The following CCDC178 variants were observed in gnomAD, a reference collection of about 807,000 sequenced individuals.
CCDC178 encodes coiled-coil domain-containing protein 178.
Under a neutral mutation model 117.4 loss-of-function variants are expected in CCDC178, and 126 were observed. The ratio of observed to expected loss-of-function variants is 1.07; its 90% CI spans 0.93 to 1.24. The LOEUF is 1.24. CCDC178 is among the 50% of genes most tolerant of loss of function. The pLI, the probability that CCDC178 is intolerant of heterozygous loss-of-function variation, is 0.00. For missense variants in CCDC178, 1,030 were observed against 986.9 expected (o/e 1.04, Z -0.59); for synonymous variants, 283 against 313.4 (o/e 0.90, Z 1.02).
chr18:33,223,518 C>T (rs2059264654), intron 17 of CCDC178, among the ~76,000 whole-genome samples: 1 of 151,964 alleles, frequency 6.6e-6, no homozygotes, highest in Non-Finnish European at 1.5e-5. Flanking sequence ...AAAACTAAAA[C>T]TCCAAATACA....
chr18:33,110,404 A>T (rs1224132195), intron 20 of CCDC178, among the ~76,000 whole-genome samples: 1 of 151,616 alleles, frequency 6.6e-6, no homozygotes, highest in Non-Finnish European at 1.5e-5. Flanking sequence ...TTAAAAGAGT[A>T]CAGTTTATAA....
chr18:33,280,501 G>A (rs1054316777), intron 12 of CCDC178, among the ~76,000 whole-genome samples: 3 of 151,654 alleles, frequency 2.0e-5, no homozygotes, highest in African/African-American at 4.9e-5. Context: ...TTACACTGTT[G>A]GTGGGACTGT....
In CCDC178 at chr18:33,421,500, C is replaced by G. The variant is rs143696195; in HGVS notation, c.-22-9390G>C. On this transcript the variant is annotated intron_variant, in intron 2 of 22. Coordinates refer to ENST00000383096, the MANE Select transcript of CCDC178 (RefSeq NM_001105528.4). ...GGTTTTGTTGGTAGCTCAAAATGAA[C>G]CATGGTGAATAGATTTATAACACAG... Among the ~76,000 whole-genome samples the G allele has an allele frequency of 3.3e-5, 5 of 152,186 alleles. No homozygotes were observed. The South Asian group carries it at 1.0e-3, about 32-fold the overall frequency.
intron 10 of CCDC178, among the ~76,000 whole-genome samples, chr18:33,330,731 AG>A (rs2062656688): frequency 6.6e-6 from 1 of 152,124 alleles, no homozygotes; most frequent in Admixed American, 6.6e-5. Context: ...ACCCAGGGAA[AG>A]GTTGCTGTCC....
intron 21 of CCDC178, among the ~76,000 whole-genome samples, chr18:32,981,079 A>T (rs1296901796): frequency 2.0e-5 from 3 of 152,182 alleles, no homozygotes; most frequent in Non-Finnish European, 4.4e-5. Context: ...GTGGTGGCTC[A>T]TGTCTGTAAT....
rs571449866 is a variant in CCDC178 at position 33,249,165 on chromosome 18, T to C, written c.1410-3737A>G. Among the ~76,000 whole-genome samples, 8 of 152,258 alleles carry C rather than the reference T, an allele frequency of 5.3e-5. 1 individual carries two copies. The South Asian group carries it at 1.7e-3, about 32-fold the overall frequency. Reference sequence around the variant, plus strand: ...TGAGTTCATTGTAGATTCTGGATATTAGCCCTTTGTCAGATGAGTAGATTG... The same window carrying C: ...TGAGTTCATTGTAGATTCTGGATATCAGCCCTTTGTCAGATGAGTAGATTG... On this transcript the variant is annotated intron_variant, in intron 14 of 22. Coordinates refer to ENST00000383096, the MANE Select transcript of CCDC178 (RefSeq NM_001105528.4).
rs143376712 is a variant in CCDC178 at position 33,018,933 on chromosome 18, T to C, written c.2389-44252A>G. ...TGTTACAAAAATTCCCTGTTTGCAATATAAATAACCAGAGCTGGTATAATA... is the reference window on the plus strand; with the variant it reads ...TGTTACAAAAATTCCCTGTTTGCAACATAAATAACCAGAGCTGGTATAATA... On this transcript the variant is annotated intron_variant, in intron 21 of 22. Coordinates refer to ENST00000383096, the MANE Select transcript of CCDC178 (RefSeq NM_001105528.4). Among the ~76,000 whole-genome samples, 1,218 of 152,262 alleles carry C rather than the reference T, an allele frequency of 8.0e-3. 10 individuals carry two copies. Among genetic ancestry groups the C allele is most frequent in the Non-Finnish European group, 9.7e-3 (657 of 67,974 alleles).
chr18:33,288,122 T>C (rs975725846), intron 12 of CCDC178, among the ~76,000 whole-genome samples: 6 of 152,140 alleles, frequency 3.9e-5, no homozygotes, highest in African/African-American at 1.4e-4. Context: ...TGTGAATGGC[T>C]ACTCTCTACA....
At chr18:33,222,227 C>T (rs2059243703) in intron 18 of CCDC178, among the ~76,000 whole-genome samples, 1 of 151,066 alleles carries the variant, frequency 6.6e-6, no homozygotes, top group South Asian at 2.1e-4. Context: ...TCCCTCCCTT[C>T]CTTTCTTCCT....
chr18:33,037,220 A>T (rs543700156), intron 21 of CCDC178, among the ~76,000 whole-genome samples: 6 of 152,060 alleles, frequency 3.9e-5, no homozygotes, highest in African/African-American at 1.4e-4. Context: ...GCACCAAGGC[A>T]TTAATAGACT....
At chr18:33,097,218 G>A (rs1473418514) in intron 20 of CCDC178, among the ~76,000 whole-genome samples, 3 of 152,084 alleles carry the variant, frequency 2.0e-5, no homozygotes, top group Non-Finnish European at 4.4e-5. Flanking sequence ...CTCTTTGAGG[G>A]CATTCACCCT....
intron 6 of CCDC178, among the ~76,000 whole-genome samples, chr18:33,368,918 A>T (rs1358108631): frequency 6.6e-6 from 1 of 152,006 alleles, no homozygotes; most frequent in Non-Finnish European, 1.5e-5. Context: ...GGTAGTTGTT[A>T]TAATTATTTA....
chr18:33,058,943 A>G (rs1414942869), intron 21 of CCDC178, among the ~76,000 whole-genome samples: 1 of 152,156 alleles, frequency 6.6e-6, no homozygotes, highest in Admixed American at 6.5e-5. Context: ...AACTGTTGGA[A>G]TTTCATCATA....
intron 2 of CCDC178, among the ~76,000 whole-genome samples, chr18:33,428,257 G>A (rs2064148643): frequency 6.6e-6 from 1 of 152,056 alleles, no homozygotes; most frequent in Admixed American, 6.5e-5. Context: ...TTTATTTGGA[G>A]ATACTACTAA....
chr18:33,037,555 C>G (rs996538607), intron 21 of CCDC178, among the ~76,000 whole-genome samples: 12 of 151,868 alleles, frequency 7.9e-5, no homozygotes, highest in African/African-American at 2.9e-4. Flanking sequence ...AAAATGTTTT[C>G]TTGACTCCTT....
chr18:33,185,574 G>T (rs769828704), intron 20 of CCDC178, among the ~76,000 whole-genome samples: 4 of 151,826 alleles, frequency 2.6e-5, no homozygotes, highest in Non-Finnish European at 4.4e-5. Flanking sequence ...TAAAAAGAAC[G>T]TTACAAAATA....
chr18:33,347,089 A>G (rs1202382879), intron 8 of CCDC178, among the ~76,000 whole-genome samples: 1 of 152,122 alleles, frequency 6.6e-6, no homozygotes, highest in Non-Finnish European at 1.5e-5. Context: ...GGGAACAAGC[A>G]CATGGTCTTT....
At chr18:32,988,549 T>C (rs930748538) in intron 21 of CCDC178, among the ~76,000 whole-genome samples, 38 of 152,268 alleles carry the variant, frequency 2.5e-4, no homozygotes, top group African/African-American at 8.7e-4. Flanking sequence ...TAGTCTTTTA[T>C]GCTTATATTA....
chr18:33,368,707 T>C (rs966291860), intron 6 of CCDC178, among the ~76,000 whole-genome samples: 1 of 151,948 alleles, frequency 6.6e-6, no homozygotes, highest in African/African-American at 2.4e-5. Flanking sequence ...TGCTGAATTG[T>C]TTTAAACTAC....
Sources: gnomAD v4.1 joint callset for allele counts (sites outside exome capture counted in the v4.1 genomes callset) on GRCh38, gnomAD v4.1.1 for gene constraint, MANE v1.5 for transcripts, NCBI Gene and HGNC (gene_info 2026-07-23, HGNC 2026-07-21) for gene names.